RAB31: variants seen among roughly 807,000 people sequenced by gnomAD.
RAB31 encodes the protein ras-related protein Rab-31.
RAB31 carries 21 observed loss-of-function variants against 25.6 expected under a neutral mutation model. The observed-to-expected ratio is 0.82, with a 90% CI of 0.58 to 1.18. The LOEUF is 1.18. RAB31 is among the 50% of genes most tolerant of loss of function. The pLI is 0.00. For missense variants in RAB31, 196 were observed against 250.1 expected (o/e 0.78, Z 1.46); for synonymous variants, 87 against 84.0 (o/e 1.04, Z -0.20).
At chr18:9,724,899 A>G (rs546084497) in intron 1 of RAB31, among the ~76,000 whole-genome samples, 1 of 152,298 alleles carries the variant, frequency 6.6e-6, no homozygotes, top group African/African-American at 2.4e-5. Flanking sequence ...ACTTGTTAAT[A>G]TTTCTCACAG....
chr18:9,812,386 A>G (rs969944647), intron 3 of RAB31, among the ~76,000 whole-genome samples: 4 of 152,164 alleles, frequency 2.6e-5, no homozygotes, highest in Non-Finnish European at 5.9e-5. Flanking sequence ...ACACATTTCA[A>G]CTTTTGATTA....
intron 1 of RAB31, among the ~76,000 whole-genome samples, chr18:9,741,763 A>C (rs2068180611): frequency 6.6e-6 from 1 of 152,192 alleles, no homozygotes. Flanking sequence ...TTGACTTTTC[A>C]CAGGAACCCA....
At chr18:9,833,702 T>C (rs985187366) in intron 5 of RAB31, among the ~76,000 whole-genome samples, 4 of 152,190 alleles carry the variant, frequency 2.6e-5, no homozygotes, top group Non-Finnish European at 5.9e-5. Context: ...CATTTTCGTT[T>C]AGAAAAAGGG....
chr18:9,712,582 C>T (rs1316604802), intron 1 of RAB31, among the ~76,000 whole-genome samples: 3 of 152,252 alleles, frequency 2.0e-5, no homozygotes, highest in African/African-American at 4.8e-5. Flanking sequence ...GCAGCTGCTT[C>T]AACCCCAAAG....
At chr18:9,793,529 G>A (rs527372512) in intron 3 of RAB31, among the ~76,000 whole-genome samples, 22 of 152,196 alleles carry the variant, frequency 1.4e-4, no homozygotes, top group Admixed American at 7.8e-4. Context: ...AGGTGTGGTG[G>A]TGGGCATCTG....
At chr18:9,713,755 T>C (rs2068029531) in intron 1 of RAB31, among the ~76,000 whole-genome samples, 1 of 152,230 alleles carries the variant, frequency 6.6e-6, no homozygotes, top group Admixed American at 6.5e-5. Context: ...CATTTAATTC[T>C]CACAGTTCTG....
chr18:9,836,383 CTTTTTA>C (rs149516244), intron 5 of RAB31, among the ~76,000 whole-genome samples: 235 of 152,216 alleles, frequency 1.5e-3, no homozygotes, highest in African/African-American at 5.4e-3. Context: ...GTCCACTCTT[CTTTTTA>C]TTTTTATTTT....
chr18:9,852,942 G>A, intron 6 of RAB31, among the ~76,000 whole-genome samples: 1 of 152,142 alleles, frequency 6.6e-6, no homozygotes, highest in Non-Finnish European at 1.5e-5. Context: ...AAGTATAGTG[G>A]TATCTCATTG....
intron 1 of RAB31, among the ~76,000 whole-genome samples, chr18:9,737,652 A>G (rs1364569296): frequency 2.0e-5 from 3 of 152,192 alleles, no homozygotes; most frequent in African/African-American, 7.2e-5. Context: ...TATTCTGGTC[A>G]TGGGTTAGCA....
At chr18:9,856,449 A>G (rs1224917194) in intron 6 of RAB31, 1 of 152,234 alleles carries the variant, frequency 6.6e-6, no homozygotes, top group Non-Finnish European at 1.5e-5. Flanking sequence ...TAACTGTCTT[A>G]CATATAAACT....
At chr18:9,711,947 G>C (rs1763462602) in intron 1 of RAB31, among the ~76,000 whole-genome samples, 1 of 152,234 alleles carries the variant, frequency 6.6e-6, no homozygotes, top group South Asian at 2.1e-4. Flanking sequence ...GGCATGGGCA[G>C]TAGGCGCTTT....
At chr18:9,792,059 G>T in intron 2 of RAB31, 95 bp from the exon 3 acceptor site, 1 of 1,462,170 alleles carries the variant, frequency 6.8e-7, no homozygotes, top group Non-Finnish European at 9.1e-7. Flanking sequence ...GGCTTTTTGG[G>T]GTCCTGCTGA....
At chr18:9,793,487 C>G (rs1029696275) in intron 3 of RAB31, among the ~76,000 whole-genome samples, 2 of 151,988 alleles carry the variant, frequency 1.3e-5, no homozygotes, top group African/African-American at 2.4e-5. Context: ...ACAGTGAAAC[C>G]CTGTCTCTAC....
intron 2 of RAB31, among the ~76,000 whole-genome samples, chr18:9,777,709 C>G (rs1187375789): frequency 6.7e-6 from 1 of 149,372 alleles, no homozygotes; most frequent in East Asian, 2.0e-4. Context: ...ACTTTCTAAA[C>G]TTTTGTTTAA....
chr18:9,855,306 C>T (rs185314714), intron 6 of RAB31, among the ~76,000 whole-genome samples: 58 of 152,270 alleles, frequency 3.8e-4, no homozygotes, highest in African/African-American at 1.4e-3. Context: ...AATCCAAACC[C>T]TATTAAAATA....
At chr18:9,854,649 T>A (rs984029334) in intron 6 of RAB31, among the ~76,000 whole-genome samples, 1 of 152,178 alleles carries the variant, frequency 6.6e-6, no homozygotes, top group Non-Finnish European at 1.5e-5. Context: ...TTCAGGGCCT[T>A]CTAGTAATCC....
chr18:9,811,262 C>G (rs888926508), intron 3 of RAB31, among the ~76,000 whole-genome samples: 2 of 152,222 alleles, frequency 1.3e-5, no homozygotes, highest in Non-Finnish European at 2.9e-5. Flanking sequence ...CCCGCAGAGG[C>G]TCCAGAGTCC....
At chr18:9,834,709 C>G (rs1269446074) in intron 5 of RAB31, among the ~76,000 whole-genome samples, 2 of 152,122 alleles carry the variant, frequency 1.3e-5, no homozygotes, top group African/African-American at 2.4e-5. Flanking sequence ...CTATTCTAAC[C>G]TTCTTTGGCG....
At chr18:9,829,150 G>A (rs1386428742) in intron 5 of RAB31, among the ~76,000 whole-genome samples, 2 of 152,294 alleles carry the variant, frequency 1.3e-5, no homozygotes, top group Admixed American at 6.5e-5. Context: ...AGCCGTGTAA[G>A]TGTGCCACAG....
Sources: gnomAD v4.1 joint callset for allele counts (sites outside exome capture counted in the v4.1 genomes callset) on GRCh38, gnomAD v4.1.1 for gene constraint, MANE v1.5 for transcripts, NCBI Gene and HGNC (gene_info 2026-07-23, HGNC 2026-07-21) for gene names.